RASSF6: variants seen among roughly 807,000 people sequenced by gnomAD.
RASSF6 encodes Ras association domain family member 6.
In RASSF6, 52 loss-of-function variants were observed where a neutral mutation model predicts 44.0. The observed-to-expected ratio is 1.18, with a 90% CI of 0.95 to 1.49. The LOEUF (loss-of-function observed/expected upper bound fraction) is 1.49, where lower values mean the gene tolerates loss of function less well. Among genes scored for constraint, RASSF6 ranks in the 40% most tolerant of loss-of-function variants. The pLI is 0.00. For missense variants in RASSF6, 464 were observed against 393.3 expected, an observed-to-expected ratio of 1.18 and a Z score of -1.52; for synonymous variants, 162 against 124.6, an observed-to-expected ratio of 1.30 and a Z score of -2.00.
intron 4 of RASSF6, among the ~76,000 whole-genome samples, chr4:73,590,723 C>G (rs528438197): frequency 6.6e-6 from 1 of 152,326 alleles, no homozygotes; most frequent in African/African-American, 2.4e-5. Flanking sequence ...CAAATCTAAT[C>G]TTGCTCTTGT....
intron 3 of RASSF6, among the ~76,000 whole-genome samples, chr4:73,596,379 C>T (rs1724945164): frequency 1.3e-5 from 2 of 152,002 alleles, no homozygotes; most frequent in South Asian, 2.1e-4. Flanking sequence ...AAACAAACTC[C>T]CACAAAAAGA....
At position 73,587,829 on chromosome 4, in the gene RASSF6, T is replaced by C; in HGVS notation, c.382+11A>G. On this transcript the variant is annotated intron_variant, in intron 5 of 10. Transcript: ENST00000307439. ...ATTAAGTCTCCCAATCAATAAGATTTTGATACTGACCTTCCTGGGAATTCC... is the reference window on the plus strand; with the variant it reads ...ATTAAGTCTCCCAATCAATAAGATTCTGATACTGACCTTCCTGGGAATTCC... 1 of 1,572,746 alleles carries C rather than the reference T, an allele frequency of 6.4e-7. No homozygotes were observed. Among genetic ancestry groups the C allele is most frequent in the Non-Finnish European group, 8.7e-7 (1 of 1,143,680 alleles).
intron 1 of RASSF6, chr4:73,615,840 A>G (rs1726318982): frequency 6.8e-7 from 1 of 1,473,870 alleles, no homozygotes. Context: ...AACGTGGTTC[A>G]CCTCCCCCTG....
At chr4:73,576,382 G>T in intron 10 of RASSF6, 28 bp downstream of exon 10, 1 of 1,462,158 alleles carries the variant, frequency 6.8e-7, no homozygotes. Flanking sequence ...AAAGAACGGA[G>T]TATCCAATGT....
intron 6 of RASSF6, among the ~76,000 whole-genome samples, chr4:73,583,617 A>T (rs1156507215): frequency 6.6e-6 from 1 of 152,174 alleles, no homozygotes; most frequent in Admixed American, 6.6e-5. Flanking sequence ...AATTGTTGAT[A>T]GAATGCTTTG....
rs1284911274 is a variant in RASSF6 at position 73,572,851 on chromosome 4, CT to C, written c.*3383del. On this transcript the variant is annotated 3_prime_UTR_variant, in exon 11 of 11. Transcript: ENST00000307439. Reference sequence around the variant, plus strand: ...AGGGAAGTTAGAAAAACATGAATCACTCATAATTCTACAATGCAGATATAGC... The same window carrying C: ...AGGGAAGTTAGAAAAACATGAATCACCATAATTCTACAATGCAGATATAGC... 5 of 152,062 alleles carry C rather than the reference CT, an allele frequency of 3.3e-5. No homozygotes were observed. 9.4% of individuals were successfully genotyped at this position (152,062 alleles called of 1,614,324 possible).
At position 73,587,942 on chromosome 4, in the gene RASSF6, G is replaced by A; in HGVS notation, c.288-8C>T. On this transcript the variant is annotated splice_region_variant and splice_polypyrimidine_tract_variant and intron_variant, in intron 4 of 10. Transcript: ENST00000307439. ...TCCCCCCAGCGTGTCATTCTGAGAA[G>A]TAATAAATCTTGTAAGTACATCAGT... 1 of 1,572,424 alleles carries A rather than the reference G, an allele frequency of 6.4e-7. No homozygotes were observed. The highest frequency in any genetic ancestry group is 8.7e-7 in the Non-Finnish European group (1 of 1,144,468).
chr4:73,604,088 T>TG (rs1170448463), intron 2 of RASSF6: 1 of 152,198 alleles, frequency 6.6e-6, no homozygotes, highest in Non-Finnish European at 1.5e-5. Flanking sequence ...GCCAAAGGCA[T>TG]GTTTATCCCC....
chr4:73,590,350 A>G (rs967975167), intron 4 of RASSF6, among the ~76,000 whole-genome samples: 2 of 152,174 alleles, frequency 1.3e-5, no homozygotes, highest in South Asian at 2.1e-4. Context: ...CTGAAGTTCT[A>G]TTGTCATTTA....
chr4:73,581,369 A>C (rs574118825), intron 8 of RASSF6, among the ~76,000 whole-genome samples: 17 of 152,288 alleles, frequency 1.1e-4, no homozygotes, highest in East Asian at 5.8e-4. Context: ...ATGCATCTCT[A>C]CTGAGGAAGA....
Position 73,593,458 on chromosome 4 carries a change from T to G in RASSF6, c.280A>C (p.Ser94Arg), listed in dbSNP as rs1560449714. ...ACATGAAAGATAGCTTACCCTTTGC[T>G]GGAGAAGACGTCTGATGACTTCATA... ...TSMKSSDVFSSKGMTRWGEFD... is the reference protein window; with the variant it reads ...TSMKSSDVFSRKGMTRWGEFD... The change falls in exon 4 of 11, where the codon AGC becomes CGC. Residue 94 changes from serine (S) to arginine (R), a missense_variant. Transcript: ENST00000307439. 1 of 1,600,624 alleles carries G rather than the reference T, an allele frequency of 6.2e-7. No homozygotes were observed. Among genetic ancestry groups the G allele is most frequent in the East Asian group, 2.2e-5 (1 of 44,654 alleles).
At chr4:73,584,296 A>T (rs1025487857) in intron 6 of RASSF6, among the ~76,000 whole-genome samples, 1 of 152,170 alleles carries the variant, frequency 6.6e-6, no homozygotes, top group Non-Finnish European at 1.5e-5. Flanking sequence ...TTCTTATTAA[A>T]GGCCTCAGAA....
chr4:73,588,496 T>C (rs190980225), intron 4 of RASSF6, among the ~76,000 whole-genome samples: 1 of 152,142 alleles, frequency 6.6e-6, no homozygotes, highest in Admixed American at 6.6e-5. Context: ...AAACTAGCAA[T>C]TTTAAGTGCA....
chr4:73,614,629 CTCTT>C (rs1726227610), intron 1 of RASSF6, among the ~76,000 whole-genome samples: 2 of 152,188 alleles, frequency 1.3e-5, no homozygotes, highest in Non-Finnish European at 2.9e-5. Context: ...AACTGGCTCA[CTCTT>C]TATTTGCATT....
chr4:73,614,102 C>T (rs187722274), intron 1 of RASSF6, among the ~76,000 whole-genome samples: 2 of 152,316 alleles, frequency 1.3e-5, no homozygotes, highest in Non-Finnish European at 2.9e-5. Flanking sequence ...AATATTTAGT[C>T]TCATTTTTTC....
At chr4:73,615,339 C>T (rs1472719566) in intron 1 of RASSF6, among the ~76,000 whole-genome samples, 1 of 113,396 alleles carries the variant, frequency 8.8e-6, no homozygotes, top group African/African-American at 3.3e-5. Flanking sequence ...GTGAAAATCT[C>T]CTAAATTATA....
intron 4 of RASSF6, among the ~76,000 whole-genome samples, chr4:73,592,612 C>A (rs952201066): frequency 2.4e-4 from 36 of 152,142 alleles, no homozygotes; most frequent in African/African-American, 8.7e-4. Context: ...CTTGCATAAG[C>A]CCACACAAGG....
At chr4:73,606,783 T>C (rs1725670281) in intron 2 of RASSF6, among the ~76,000 whole-genome samples, 1 of 152,164 alleles carries the variant, frequency 6.6e-6, no homozygotes. Context: ...TTATTGAGAA[T>C]GAGTAACTTG....
chr4:73,582,716 T>G (rs28407399), intron 6 of RASSF6, among the ~76,000 whole-genome samples: 42,398 of 151,864 alleles, frequency 0.28, 6,160 homozygotes, highest in Admixed American at 0.41. Flanking sequence ...GTTCAGCAGA[T>G]GTAGAGATGG....
Sources: allele counts gnomAD v4.1 joint callset (sites outside exome capture counted in the v4.1 genomes callset), GRCh38; gene constraint gnomAD v4.1.1; transcripts MANE v1.5; gene names NCBI Gene and HGNC (gene_info 2026-07-23, HGNC 2026-07-21).